The following ADARB1 variants were observed in gnomAD, a reference collection of about 807,000 sequenced individuals.
The protein encoded by ADARB1 is double-stranded RNA-specific editase 1.
In ADARB1, 10 loss-of-function variants were observed where a neutral mutation model predicts 52.4. The observed-to-expected ratio is 0.19, with a 90% CI of 0.12 to 0.32. ADARB1 has a LOEUF of 0.32. Among genes scored for constraint, ADARB1 ranks in the 10% least tolerant of loss-of-function variants. The pLI, the probability that ADARB1 is intolerant of heterozygous loss-of-function variation, is 1.00. For synonymous variants in ADARB1, 349 were observed against 371.1 expected, an observed-to-expected ratio of 0.94 and a Z score of 0.68; for missense variants, 643 against 922.3, an observed-to-expected ratio of 0.70 and a Z score of 3.92.
At position 45,222,771 on chromosome 21, in the gene ADARB1, G is replaced by A; in HGVS notation, c.*574G>A. ...CTCTTTTCTCCGTAGGTACCTCCCT[G>A]GGTAGTTCCACACACTAGGTTGTAA... On this transcript the variant is annotated 3_prime_UTR_variant, in exon 11 of 11. Transcript: ENST00000348831. 6.1e-6 allele frequency: 6 copies of A among 985,854 alleles called. No homozygotes were observed. The highest frequency in any genetic ancestry group is 7.2e-6 in the Non-Finnish European group (6 of 830,296). 61.1% of individuals were successfully genotyped at this position (985,854 alleles called of 1,614,324 possible).
chr21:45,180,973 G>A (rs1234655394), intron 5 of ADARB1, among the ~76,000 whole-genome samples: 1 of 152,168 alleles, frequency 6.6e-6, no homozygotes, highest in Middle Eastern at 3.2e-3. Context: ...CCCACATCCC[G>A]CGAGTGAGAA....
chr21:45,224,515 A>G lies in ADARB1; in HGVS notation c.*2318A>G. The G allele has an allele frequency of 9.4e-7, 1 of 1,063,892 alleles. No homozygotes were observed. The highest frequency in any genetic ancestry group is 1.7e-5 in the African/African-American group (1 of 57,710). 65.9% of individuals were successfully genotyped at this position (1,063,892 alleles called of 1,614,324 possible). A position where few individuals can be genotyped will look rare whatever the true frequency, so the allele number is the denominator to read the frequency against. On this transcript the variant is annotated 3_prime_UTR_variant, in exon 11 of 11. Transcript: ENST00000348831. Reference sequence around the variant, plus strand: ...CCTGGGTGGGGCAGCTGTGGGGAGGAACTGGGTTCGGGGAGCCCTGGGCGG... The same window carrying G: ...CCTGGGTGGGGCAGCTGTGGGGAGGGACTGGGTTCGGGGAGCCCTGGGCGG...
rs372695502 is a variant in ADARB1 at position 45,168,467 on chromosome 21, T to C, written c.-47-3143T>C. On this transcript the variant is annotated intron_variant, in intron 2 of 10. Transcript: ENST00000348831. ...GTTTTATGTTTTGCATGTAAGCCCA[T>C]AATCTATTTTGAGTTAAGTTTTGAA... is the stretch of plus-strand genomic sequence containing the variant. Among the ~76,000 whole-genome samples, 3 of 152,362 alleles carry C rather than the reference T, an allele frequency of 2.0e-5. No homozygotes were observed. The East Asian group carries it at 5.8e-4, about 29-fold the overall frequency.
At chr21:45,124,137 C>A (rs574407398) in intron 1 of ADARB1, among the ~76,000 whole-genome samples, 5 of 152,124 alleles carry the variant, frequency 3.3e-5, no homozygotes, top group African/African-American at 1.2e-4. Flanking sequence ...CATGTTTGAT[C>A]GCTTTAAAAA....
intron 2 of ADARB1, among the ~76,000 whole-genome samples, chr21:45,167,691 G>C (rs2849618): frequency 0.51 from 77,295 of 151,936 alleles, 20,018 homozygotes; most frequent in South Asian, 0.58. Context: ...AGGTTGCAGT[G>C]AGCCGAGATA....
chr21:45,112,889 CTG>C (rs1311523341), intron 1 of ADARB1, among the ~76,000 whole-genome samples: 3 of 152,056 alleles, frequency 2.0e-5, no homozygotes, highest in Non-Finnish European at 4.4e-5. Context: ...GGATGCCCCT[CTG>C]TGAGTTGTGA....
intron 2 of ADARB1, among the ~76,000 whole-genome samples, chr21:45,141,021 C>T (rs971239337): frequency 6.6e-6 from 1 of 152,012 alleles, no homozygotes; most frequent in African/African-American, 2.4e-5. Context: ...GAACCCCTGT[C>T]TGTACAAAAA....
chr21:45,224,178 T>C lies in ADARB1; in HGVS notation c.*1981T>C, dbSNP rs1195217219. 1 of 985,340 alleles carries C rather than the reference T, an allele frequency of 1.0e-6. No homozygotes were observed. Among genetic ancestry groups the C allele is most frequent in the Admixed American group, 6.1e-5 (1 of 16,268 alleles). The allele number at this position is 985,340 out of a possible 1,614,324, so 61.0% of individuals were successfully genotyped here. ...TTCTAATGGGGATTGGGAGATGGAC[T>C]TCGTTTTTAAAAATATGTGGATTTT... is the stretch of plus-strand genomic sequence containing the variant. On this transcript the variant is annotated 3_prime_UTR_variant, in exon 11 of 11. Coordinates refer to ENST00000348831, the MANE Select transcript of ADARB1 (RefSeq NM_001112.4).
chr21:45,130,943 T>C (rs946883575), intron 2 of ADARB1, among the ~76,000 whole-genome samples: 2 of 152,186 alleles, frequency 1.3e-5, no homozygotes, highest in African/African-American at 4.8e-5. Context: ...CGGGAAACCT[T>C]GACTCTTGTT....
chr21:45,156,502 C>T (rs1211943434), intron 2 of ADARB1, among the ~76,000 whole-genome samples: 1 of 101,180 alleles, frequency 9.9e-6, no homozygotes. Context: ...CATCCACCCA[C>T]GCACCCACCC....
intron 9 of ADARB1, among the ~76,000 whole-genome samples, chr21:45,205,517 G>T (rs1332062638): frequency 5.3e-5 from 8 of 152,204 alleles, no homozygotes; most frequent in Non-Finnish European, 8.8e-5. Flanking sequence ...GCCTGCCCTG[G>T]GCTCCCTGGA....
intron 1 of ADARB1, among the ~76,000 whole-genome samples, chr21:45,098,163 C>A (rs1013170285): frequency 1.3e-5 from 2 of 152,214 alleles, no homozygotes; most frequent in African/African-American, 4.8e-5. Context: ...GCTGGCAAGT[C>A]ATTCCTGCCC....
chr21:45,176,839 G>T lies in ADARB1; in HGVS notation c.963+175G>T, dbSNP rs1175375031. On this transcript the variant is annotated intron_variant, in intron 4 of 10. Transcript: ENST00000348831. The surrounding 1 kb of genome is among the most constrained non-coding windows in gnomAD (Gnocchi z 5.8). Reference sequence around the variant, plus strand: ...TGATTTCCATGGCCATGTGGCCACTGAGAAGCCGTCTGCATCCTAGTGCAT... The same window carrying T: ...TGATTTCCATGGCCATGTGGCCACTTAGAAGCCGTCTGCATCCTAGTGCAT... Among the ~76,000 whole-genome samples the T allele has an allele frequency of 6.6e-6, 1 of 152,176 alleles. No individual in the cohort carries two copies. The highest frequency in any genetic ancestry group is 2.4e-5 in the African/African-American group (1 of 41,442).
At position 45,208,670 on chromosome 21, in the gene ADARB1, GTGTGTA is replaced by G. The variant is rs2092710894; in HGVS notation, c.1747+3937_1747+3942del. 6.6e-6 allele frequency among the ~76,000 whole-genome samples: 1 copy of G among 151,984 alleles called. No individual in the cohort carries two copies. Among genetic ancestry groups the G allele is most frequent in the Non-Finnish European group, 1.5e-5 (1 of 67,972 alleles). On this transcript the variant is annotated intron_variant, in intron 9 of 10. Coordinates refer to ENST00000348831, the MANE Select transcript of ADARB1 (RefSeq NM_001112.4). This position sits in a 1 kb window ranked among gnomAD's most constrained non-coding sequence, Gnocchi z 5.6. ...CATGTGAGTGTGTGCATGAGTGCGT[GTGTGTA>G]TGAGTGTGTGTGCATGTGTGTGTGC...
chr21:45,148,864 T>C (rs2090141515), intron 2 of ADARB1, among the ~76,000 whole-genome samples: 1 of 152,222 alleles, frequency 6.6e-6, no homozygotes, highest in African/African-American at 2.4e-5. Flanking sequence ...CATGCCGCCA[T>C]GGGAGAGTTT....
At chr21:45,174,515 CAA>C (rs1472110243) in intron 3 of ADARB1, among the ~76,000 whole-genome samples, 9 of 152,016 alleles carry the variant, frequency 5.9e-5, no homozygotes, top group Admixed American at 2.6e-4. Flanking sequence ...CCAGCCTGAC[CAA>C]TGTGATGAAA....
chr21:45,138,536 T>TCTA (rs2089518586), intron 2 of ADARB1, among the ~76,000 whole-genome samples: 1 of 152,218 alleles, frequency 6.6e-6, no homozygotes, highest in Admixed American at 6.5e-5. Context: ...GGAGCTCTTG[T>TCTA]CTATTCCTTT....
At chr21:45,133,365 G>T (rs574711808) in intron 2 of ADARB1, among the ~76,000 whole-genome samples, 8 of 152,342 alleles carry the variant, frequency 5.3e-5, no homozygotes, top group African/African-American at 1.9e-4. Flanking sequence ...CTCTCAAGGC[G>T]TATAGGCAGG....
intron 2 of ADARB1, among the ~76,000 whole-genome samples, chr21:45,136,478 G>A (rs1245204472): frequency 9.2e-5 from 14 of 152,348 alleles, no homozygotes; most frequent in South Asian, 4.1e-4. Flanking sequence ...CTGTGGAGTC[G>A]TGATGTTTGC....
Sources: allele counts gnomAD v4.1 joint callset (sites outside exome capture counted in the v4.1 genomes callset), GRCh38; gene constraint gnomAD v4.1.1; non-coding constraint Gnocchi (gnomAD v3.1); transcripts MANE v1.5; gene names NCBI Gene and HGNC (gene_info 2026-07-23, HGNC 2026-07-21).